MLLT10: variants seen among roughly 807,000 people sequenced by gnomAD.
MLLT10 encodes MLLT10 histone lysine methyltransferase DOT1L cofactor, also known as protein AF-10.
In MLLT10, 30 loss-of-function variants were observed where a neutral mutation model predicts 129.1. The ratio of observed to expected loss-of-function variants is 0.23; its 90% CI spans 0.17 to 0.32. MLLT10 has a LOEUF of 0.32. Among genes scored for constraint, MLLT10 ranks in the 10% least tolerant of loss-of-function variants. MLLT10 has a pLI of 1.00. For missense variants in MLLT10, 1,119 were observed against 1,268.3 expected, an observed-to-expected ratio of 0.88 and a Z score of 1.79; for synonymous variants, 490 against 446.4, an observed-to-expected ratio of 1.10 and a Z score of -1.23.
rs554561281 is a variant in MLLT10, at chr10:21,601,186, C to A, written c.405+5746C>A. Among the ~76,000 whole-genome samples the A allele has an allele frequency of 1.8e-4, 27 of 152,274 alleles. No homozygotes were observed. In the East Asian group the frequency reaches 2.7e-3, roughly 15 times the overall value. ...GTCTTGAACTCTTGGATTCAAACAA[C>A]CCCCCTGCCTTGGCCTCCCAAAGTG... On this transcript the variant is annotated intron_variant, in intron 5 of 22. Transcript: ENST00000307729.
intron 7 of MLLT10, among the ~76,000 whole-genome samples, chr10:21,615,217 G>C (rs2045108189): frequency 6.6e-6 from 1 of 151,922 alleles, no homozygotes. Context: ...CAGCACTTTG[G>C]GAGGCCGAGG....
At chr10:21,540,495 G>A (rs1248586666) in intron 3 of MLLT10, among the ~76,000 whole-genome samples, 2 of 152,058 alleles carry the variant, frequency 1.3e-5, no homozygotes, top group Admixed American at 1.3e-4. Context: ...GGTTGAGGCT[G>A]CAGTGAACCA....
chr10:21,730,495 T>G (rs996954652), intron 16 of MLLT10, among the ~76,000 whole-genome samples: 2 of 152,158 alleles, frequency 1.3e-5, no homozygotes, highest in Non-Finnish European at 2.9e-5. Flanking sequence ...CTTTTTCAGG[T>G]TATTATGATG....
chr10:21,549,122 CTTTT>C (rs5783779), intron 3 of MLLT10, among the ~76,000 whole-genome samples: 2 of 130,386 alleles, frequency 1.5e-5, no homozygotes, highest in African/African-American at 5.6e-5. Context: ...GAGCTTATTC[CTTTT>C]TTTTTTTTTT....
Position 21,673,572 on chromosome 10 carries a change from C to G in MLLT10, c.1274C>G (p.Ala425Gly). ...TTAATTGGCCTCCCTTCAACCTCAGCTGTTACTTCACAGCCTAAAAGCTTT... is the reference window on the plus strand; with the variant it reads ...TTAATTGGCCTCCCTTCAACCTCAGGTGTTACTTCACAGCCTAAAAGCTTT... ...STLIGLPSTS[A>G]VTSQPKSFEN... The change falls in exon 11 of 23, where the codon GCT becomes GGT. Residue 425 changes from alanine to glycine, a missense_variant. By Grantham distance (60) the Ala-to-Gly change is moderately conservative. This residue lies in a region of MLLT10 where 1,004 missense variants were observed against 1,008.7 expected (regional missense o/e 1.00). Transcript: ENST00000307729. 4 of 1,613,250 alleles carry G rather than the reference C, an allele frequency of 2.5e-6. No individual in the cohort carries two copies. The highest frequency in any genetic ancestry group is 3.4e-6 in the Non-Finnish European group (4 of 1,179,704).
chr10:21,534,644 G>A lies in MLLT10; in HGVS notation c.1-1G>A. On this transcript the variant is annotated splice_acceptor_variant, in intron 1 of 22. Transcript: ENST00000307729. LOFTEE classifies it low-confidence loss of function (5UTR_SPLICE). Reference sequence around the variant, plus strand: ...TAATGGTCCCCCCAACTCCCTCTTAGATGGTCTCTAGCGACCGGCCCGTGT... The same window carrying A: ...TAATGGTCCCCCCAACTCCCTCTTAAATGGTCTCTAGCGACCGGCCCGTGT... 6.2e-7 allele frequency: 1 copy of A among 1,606,488 alleles called. No individual in the cohort carries two copies.
intron 14 of MLLT10, among the ~76,000 whole-genome samples, chr10:21,717,852 T>TCCTCCTCCTC (rs2056834751): frequency 2.6e-5 from 2 of 76,908 alleles, no homozygotes; most frequent in Admixed American, 1.2e-4. Context: ...TCCTCCTCCT[T>TCCTCCTCCTC]CTCCTCCTCC....
rs534821554 is a variant in MLLT10, at chr10:21,671,686, G to A, written c.1051+982G>A. Among the ~76,000 whole-genome samples the A allele has an allele frequency of 2.0e-5, 3 of 152,252 alleles. No individual in the cohort carries two copies. The South Asian group carries it at 6.2e-4, about 32-fold the overall frequency. On this transcript the variant is annotated intron_variant, in intron 10 of 22. Transcript: ENST00000307729. Reference sequence around the variant, plus strand: ...TATAGTCCCAGCTACTTCAGAGGCCGAGGTGGGAGGATTGCTTGAGCCCAG... The same window carrying A: ...TATAGTCCCAGCTACTTCAGAGGCCAAGGTGGGAGGATTGCTTGAGCCCAG...
At chr10:21,606,864 C>T (rs1349439034) in intron 5 of MLLT10, among the ~76,000 whole-genome samples, 4 of 152,174 alleles carry the variant, frequency 2.6e-5, no homozygotes, top group Admixed American at 1.3e-4. Context: ...GAATAGGCCC[C>T]AATTTTGAAG....
chr10:21,722,277 C>T (rs1412830275), intron 14 of MLLT10, among the ~76,000 whole-genome samples: 4 of 152,060 alleles, frequency 2.6e-5, no homozygotes, highest in African/African-American at 7.2e-5. Context: ...TCACAATAGC[C>T]GTTCTCCTTA....
At chr10:21,581,179 G>T (rs528193210) in intron 3 of MLLT10, among the ~76,000 whole-genome samples, 222 of 151,504 alleles carry the variant, frequency 1.5e-3, no homozygotes, top group Middle Eastern at 3.4e-3. Context: ...CCTAGTAGCT[G>T]GGACTACAGG....
At chr10:21,616,075 T>TA (rs1222131850) in intron 7 of MLLT10, among the ~76,000 whole-genome samples, 1 of 152,144 alleles carries the variant, frequency 6.6e-6, no homozygotes, top group East Asian at 1.9e-4. Context: ...AGGCCTCTAA[T>TA]ATTTTGGTTC....
intron 13 of MLLT10, among the ~76,000 whole-genome samples, chr10:21,701,580 T>C (rs1195328844): frequency 6.6e-6 from 1 of 152,026 alleles, no homozygotes; most frequent in Non-Finnish European, 1.5e-5. Flanking sequence ...GTGGATTGTG[T>C]TATTAAAAAT....
chr10:21,732,469 CAT>C (rs1024685206), intron 17 of MLLT10, among the ~76,000 whole-genome samples: 4 of 152,222 alleles, frequency 2.6e-5, no homozygotes, highest in African/African-American at 4.8e-5. Context: ...CAAACAAAAA[CAT>C]GTGCTCATTA....
At chr10:21,636,338 G>A (rs2047454768) in intron 8 of MLLT10, among the ~76,000 whole-genome samples, 1 of 152,078 alleles carries the variant, frequency 6.6e-6, no homozygotes, top group Admixed American at 6.6e-5. Context: ...GCTTAGGCTG[G>A]TCTTGAGCTC....
intron 3 of MLLT10, among the ~76,000 whole-genome samples, chr10:21,541,835 C>T (rs192013077): frequency 5.9e-5 from 9 of 152,114 alleles, no homozygotes; most frequent in Middle Eastern, 3.4e-3. Context: ...TTTATAGTTC[C>T]GATGATATGT....
At chr10:21,565,660 C>T (rs2039457334) in intron 3 of MLLT10, among the ~76,000 whole-genome samples, 1 of 147,734 alleles carries the variant, frequency 6.8e-6, no homozygotes, top group Admixed American at 6.9e-5. Context: ...GGCTGCATTG[C>T]AGTGGCACAA....
chr10:21,590,887 C>G (rs551144675), intron 4 of MLLT10, among the ~76,000 whole-genome samples: 1 of 152,204 alleles, frequency 6.6e-6, no homozygotes, highest in South Asian at 2.1e-4. Flanking sequence ...TTATTTCCTT[C>G]CTAGTACTTA....
At chr10:21,734,775 T>A (rs2058227056) in intron 20 of MLLT10, among the ~76,000 whole-genome samples, 1 of 152,120 alleles carries the variant, frequency 6.6e-6, no homozygotes, top group Non-Finnish European at 1.5e-5. Context: ...TATGTTTGGA[T>A]TCTTTGTTTC....
Sources: allele counts gnomAD v4.1 joint callset (sites outside exome capture counted in the v4.1 genomes callset), GRCh38; gene constraint gnomAD v4.1.1; regional missense constraint gnomAD v4.1.1; transcripts MANE v1.5; gene names NCBI Gene and HGNC (gene_info 2026-07-23, HGNC 2026-07-21).